Variants in RRP12 observed in about 807,000 individuals in gnomAD.
The protein encoded by RRP12 is ribosomal RNA processing 12 homolog.
RRP12 carries 78 observed loss-of-function variants against 157.3 expected under a neutral mutation model. The observed-to-expected ratio is 0.50, with a 90% CI of 0.41 to 0.60. The LOEUF is 0.60. RRP12 is among the 20% of genes least tolerant of loss of function. RRP12 has a pLI of 0.00. For synonymous variants in RRP12, 726 were observed against 670.9 expected, an observed-to-expected ratio of 1.08 and a Z score of -1.27; for missense variants, 1,521 against 1,679.9, an observed-to-expected ratio of 0.91 and a Z score of 1.65.
intron 9 of RRP12, 53 bp from the exon 10 acceptor site, chr10:97,385,310 G>T (rs2133077623): frequency 1.5e-6 from 2 of 1,363,044 alleles, no homozygotes; most frequent in South Asian, 1.2e-5. Flanking sequence ...CAATAGCCCA[G>T]TGATGATGAC....
chr10:97,396,978 T>G (rs554173342), intron 2 of RRP12, among the ~76,000 whole-genome samples: 23 of 152,216 alleles, frequency 1.5e-4, no homozygotes, highest in African/African-American at 5.5e-4. Context: ...TTGACCAAGC[T>G]GGTTTTGAAC....
chr10:97,372,222 T>G, intron 19 of RRP12, 56 bp from the exon 20 acceptor site: 1 of 1,403,320 alleles, frequency 7.1e-7, no homozygotes, highest in Non-Finnish European at 1.0e-6. Context: ...GGGCGCAGAC[T>G]ACCAGTGTTC....
chr10:97,396,116 G>T (rs1844955360), intron 3 of RRP12, 102 bp downstream of exon 3: 2 of 828,310 alleles, frequency 2.4e-6, no homozygotes, highest in African/African-American at 1.7e-5. Flanking sequence ...CCTGGTCAAG[G>T]TTGTCCTTCT....
At chr10:97,381,237 G>A (rs1376054626) in intron 12 of RRP12, 149 bp downstream of exon 12, 5 of 649,232 alleles carry the variant, frequency 7.7e-6, no homozygotes, top group African/African-American at 5.5e-5. Context: ...TAGCTGCTCC[G>A]GCAGATGTTC....
chr10:97,371,857 C>A, intron 20 of RRP12: 1 of 485,076 alleles, frequency 2.1e-6, no homozygotes, highest in South Asian at 3.3e-5. Flanking sequence ...ACTCAGCACG[C>A]AAGGCCTAAG....
chr10:97,373,237 G>A, intron 17 of RRP12, 37 bp from the exon 18 acceptor site: 1 of 1,601,414 alleles, frequency 6.2e-7, no homozygotes, highest in Non-Finnish European at 8.5e-7. Flanking sequence ...AAAGGCACAG[G>A]AGCTGACTGT....
chr10:97,398,025 A>G lies in RRP12; in HGVS notation c.370-1724T>C, dbSNP rs11813933. Among the ~76,000 whole-genome samples, 67 of 96,392 alleles carry G rather than the reference A, an allele frequency of 7.0e-4. 8 individuals carry two copies. Among genetic ancestry groups the G allele is most frequent in the African/African-American group, 2.9e-3 (64 of 22,238 alleles). The allele number at this position is 96,392 out of a possible 152,430, so 63.2% of individuals were successfully genotyped here. Reference sequence around the variant, plus strand: ...TATATACATATATATATATATATGTATATATATATACGTATTTTTTTTTTT... The same window carrying G: ...TATATACATATATATATATATATGTGTATATATATACGTATTTTTTTTTTT... On this transcript the variant is annotated intron_variant, in intron 2 of 33. Transcript: ENST00000370992.
intron 20 of RRP12, chr10:97,371,402 T>C: frequency 2.8e-6 from 1 of 353,426 alleles, no homozygotes; most frequent in Non-Finnish European, 5.3e-6. Flanking sequence ...GGAGCACTCT[T>C]CTCTCTCCTT....
At position 97,374,783 on chromosome 10, in the gene RRP12, A is replaced by AAC. The variant is rs1330476071; in HGVS notation, c.1799-890_1799-889insGT. Among the ~76,000 whole-genome samples, 5 of 151,686 alleles carry AAC rather than the reference A, an allele frequency of 3.3e-5. No individual in the cohort carries two copies. In the East Asian group the frequency reaches 5.8e-4, roughly 18 times the overall value. ...CGAGACTCTGTCTCAAAAAAAAAAAAAAAAAACCATAGGGAGGAATATACT... is the reference window on the plus strand; with the variant it reads ...CGAGACTCTGTCTCAAAAAAAAAAAAACAAAAAACCATAGGGAGGAATATACT... On this transcript the variant is annotated intron_variant, in intron 15 of 33. Transcript: ENST00000370992.
chr10:97,376,940 T>C (rs1173170556), intron 15 of RRP12, among the ~76,000 whole-genome samples: 1 of 150,554 alleles, frequency 6.6e-6, no homozygotes, highest in African/African-American at 2.4e-5. Flanking sequence ...AGTGAAGTGG[T>C]GCGATCTTGG....
At chr10:97,362,447 A>T (rs1843869844) in intron 30 of RRP12, among the ~76,000 whole-genome samples, 1 of 152,224 alleles carries the variant, frequency 6.6e-6, no homozygotes, top group Non-Finnish European at 1.5e-5. Flanking sequence ...ACTAAGTGGC[A>T]AGCACTGTAC....
intron 2 of RRP12, among the ~76,000 whole-genome samples, chr10:97,398,876 T>C (rs1051381435): frequency 1.3e-5 from 2 of 152,154 alleles, no homozygotes. Context: ...TACACTAGAT[T>C]TTGAAGACTT....
At chr10:97,367,731 A>G (rs990534086) in intron 25 of RRP12, among the ~76,000 whole-genome samples, 6 of 152,090 alleles carry the variant, frequency 3.9e-5, no homozygotes, top group Non-Finnish European at 7.4e-5. Context: ...GATAGGGTCC[A>G]CGTCTACTCC....
At chr10:97,381,237 G>C in intron 12 of RRP12, 149 bp downstream of exon 12, 3 of 649,350 alleles carry the variant, frequency 4.6e-6, no homozygotes, top group South Asian at 4.2e-5. Context: ...TAGCTGCTCC[G>C]GCAGATGTTC....
chr10:97,384,263 G>C (rs187506194), intron 10 of RRP12, among the ~76,000 whole-genome samples: 6 of 146,762 alleles, frequency 4.1e-5, no homozygotes, highest in African/African-American at 1.5e-4. Flanking sequence ...CCCGAACCTT[G>C]GCAGCCAGGA....
chr10:97,373,357 T>C (rs966339220), intron 17 of RRP12, among the ~76,000 whole-genome samples, 157 bp from the exon 18 acceptor site: 2 of 152,082 alleles, frequency 1.3e-5, no homozygotes, highest in Non-Finnish European at 2.9e-5. Flanking sequence ...AGCCAGGGCA[T>C]GGAGAGCCTG....
chr10:97,356,731 G>T lies in RRP12; in HGVS notation c.*363C>A. ...GATGAGACACATTTATTCTACATCT[G>T]GTCACAGTAAATCTCACCCAGACCA... is the stretch of plus-strand genomic sequence containing the variant. On this transcript the variant is annotated 3_prime_UTR_variant, in exon 34 of 34. Transcript: ENST00000370992. 1 of 213,604 alleles carries T rather than the reference G, an allele frequency of 4.7e-6. No individual in the cohort carries two copies. Among genetic ancestry groups the T allele is most frequent in the African/African-American group, 2.3e-5 (1 of 43,578 alleles). The allele number at this position is 213,604 out of a possible 1,614,324, so 13.2% of individuals were successfully genotyped here. A position where few individuals can be genotyped will look rare whatever the true frequency, so the allele number is the denominator to read the frequency against.
At chr10:97,374,113 T>C (rs756752845) in intron 15 of RRP12, among the ~76,000 whole-genome samples, 8 of 152,244 alleles carry the variant, frequency 5.3e-5, no homozygotes, top group Non-Finnish European at 7.3e-5. Context: ...CCCCCAGAGA[T>C]AGCCTCTGTT....
chr10:97,367,104 T>A lies in RRP12; in HGVS notation c.2984A>T (p.Asp995Val). Residue 995 changes from aspartate (D) to valine (V), a missense_variant, in exon 26 of 34, where the codon GAC becomes GTC. Physicochemically the swap from Asp to Val is radical, Grantham distance 152. Coordinates refer to ENST00000370992, the MANE Select transcript of RRP12 (RefSeq NM_015179.4). ...CTTCATGCGGAAGTGCCGCCGCATG[T>A]CATCTGAAAGCTTCCCAATGGCTTC... is the stretch of plus-strand genomic sequence containing the variant. ...VMEAIGKLSD[D>V]MRRHFRMKLR... 6.2e-7 allele frequency: 1 copy of A among 1,614,168 alleles called. No individual in the cohort carries two copies. Among genetic ancestry groups the A allele is most frequent in the Non-Finnish European group, 8.5e-7 (1 of 1,180,026 alleles).
Sources: gnomAD v4.1 joint callset for allele counts (sites outside exome capture counted in the v4.1 genomes callset) on GRCh38, gnomAD v4.1.1 for gene constraint, MANE v1.5 for transcripts, NCBI Gene and HGNC (gene_info 2026-07-23, HGNC 2026-07-21) for gene names.